The following ATE1 variants were observed in gnomAD, a reference collection of about 807,000 sequenced individuals.
ATE1 encodes the protein arginyl-tRNA--protein transferase 1.
In ATE1, 36 loss-of-function variants were observed where a neutral mutation model predicts 70.5. The observed-to-expected ratio is 0.51, with a 90% CI of 0.39 to 0.67. ATE1 has a LOEUF of 0.67. Among genes scored for constraint, ATE1 ranks in the 30% least tolerant of loss-of-function variants. The pLI is 0.00. For synonymous variants in ATE1, 232 were observed against 219.3 expected (o/e 1.06, Z -0.51); for missense variants, 593 against 629.5 (o/e 0.94, Z 0.62).
chr10:121,822,195 C>G (rs569350836), intron 10 of ATE1, among the ~76,000 whole-genome samples: 1 of 152,118 alleles, frequency 6.6e-6, no homozygotes, highest in African/African-American at 2.4e-5. Flanking sequence ...AAATAGTATA[C>G]CATACCCAGC....
At chr10:121,844,122 G>C (rs538845008) in intron 8 of ATE1, among the ~76,000 whole-genome samples, 2 of 152,174 alleles carry the variant, frequency 1.3e-5, no homozygotes, top group Non-Finnish European at 2.9e-5. Context: ...GCAAAATATT[G>C]GGTGTCATGG....
At chr10:121,793,556 C>T (rs1590317307) in intron 10 of ATE1, among the ~76,000 whole-genome samples, 1 of 152,256 alleles carries the variant, frequency 6.6e-6, no homozygotes. Flanking sequence ...TCCATCTTTG[C>T]TGTTCTAAAA....
chr10:121,856,867 G>T (rs1317912480), intron 8 of ATE1, among the ~76,000 whole-genome samples: 2 of 152,176 alleles, frequency 1.3e-5, no homozygotes, highest in Non-Finnish European at 2.9e-5. Context: ...TCATATAGGG[G>T]TTGGTTTCTA....
intron 8 of ATE1, among the ~76,000 whole-genome samples, chr10:121,858,858 T>C (rs146540637): frequency 0.033 from 4,994 of 151,902 alleles, 150 homozygotes; most frequent in African/African-American, 0.082. Context: ...CACTTTGGGA[T>C]GCCGAGGCGG....
At chr10:121,867,851 G>A (rs1949715111) in intron 8 of ATE1, among the ~76,000 whole-genome samples, 1 of 152,158 alleles carries the variant, frequency 6.6e-6, no homozygotes, top group Non-Finnish European at 1.5e-5. Flanking sequence ...GTTGTAGGGT[G>A]TTCTATCATA....
At chr10:121,922,297 T>A in intron 3 of ATE1, 52 bp downstream of exon 3, 2 of 1,280,794 alleles carry the variant, frequency 1.6e-6, no homozygotes, top group Non-Finnish European at 2.2e-6. Flanking sequence ...ACTAAAATAT[T>A]ATACACAATC....
intron 11 of ATE1, among the ~76,000 whole-genome samples, chr10:121,757,240 A>G (rs1283165007): frequency 1.3e-5 from 2 of 152,194 alleles, no homozygotes; most frequent in Non-Finnish European, 2.9e-5. Context: ...TCTCCATTTG[A>G]GACCACCTCA....
intron 11 of ATE1, among the ~76,000 whole-genome samples, chr10:121,786,174 G>A (rs1183595705): frequency 7.1e-6 from 1 of 141,322 alleles, no homozygotes; most frequent in African/African-American, 2.6e-5. Flanking sequence ...ATAGGATAGT[G>A]CTTGGGAAAC....
intron 8 of ATE1, among the ~76,000 whole-genome samples, chr10:121,850,742 TCCACTGTACA>T (rs1949020247): frequency 6.6e-6 from 1 of 152,146 alleles, no homozygotes; most frequent in Non-Finnish European, 1.5e-5. Context: ...GAGCCCTAAC[TCCACTGTACA>T]CTTTTCTGGC....
At chr10:121,905,392 T>A (rs1242126386) in intron 5 of ATE1, among the ~76,000 whole-genome samples, 1 of 152,214 alleles carries the variant, frequency 6.6e-6, no homozygotes, top group East Asian at 1.9e-4. Context: ...TAAGCAAATT[T>A]AAAACTAACA....
At chr10:121,817,442 G>A (rs1339887485) in intron 10 of ATE1, among the ~76,000 whole-genome samples, 1 of 152,062 alleles carries the variant, frequency 6.6e-6, no homozygotes, top group Non-Finnish European at 1.5e-5. Context: ...GGGAGGCTGA[G>A]GCAGGAGAAC....
At chr10:121,898,967 C>T in intron 7 of ATE1, 1 of 1,612,354 alleles carries the variant, frequency 6.2e-7, no homozygotes, top group Non-Finnish European at 8.5e-7. Flanking sequence ...GTACTAACCT[C>T]ACCTTCAGAG....
At chr10:121,749,068 T>C (rs928368150) in intron 11 of ATE1, among the ~76,000 whole-genome samples, 5 of 152,198 alleles carry the variant, frequency 3.3e-5, no homozygotes, top group Non-Finnish European at 7.4e-5. Flanking sequence ...ATGAACACAC[T>C]TTGACTATAA....
At chr10:121,806,492 T>C (rs1947102811) in intron 10 of ATE1, among the ~76,000 whole-genome samples, 1 of 151,954 alleles carries the variant, frequency 6.6e-6, no homozygotes. Flanking sequence ...AAATACATAA[T>C]CCTTGATTAA....
At chr10:121,757,328 T>C (rs1209675002) in intron 11 of ATE1, among the ~76,000 whole-genome samples, 2 of 152,174 alleles carry the variant, frequency 1.3e-5, no homozygotes, top group Non-Finnish European at 2.9e-5. Context: ...GTTCCAAACT[T>C]TCCCACATTT....
intron 8 of ATE1, among the ~76,000 whole-genome samples, chr10:121,853,699 T>C (rs1209137999): frequency 6.6e-6 from 1 of 152,190 alleles, no homozygotes; most frequent in East Asian, 1.9e-4. Context: ...AAAGATTATC[T>C]GAAAAGAGTA....
intron 8 of ATE1, among the ~76,000 whole-genome samples, chr10:121,869,334 A>C (rs1949771383): frequency 6.6e-6 from 1 of 152,124 alleles, no homozygotes; most frequent in Admixed American, 6.5e-5. Flanking sequence ...CCCTTTCTCT[A>C]CTTCCTTTTC....
intron 10 of ATE1, among the ~76,000 whole-genome samples, chr10:121,811,752 C>A (rs1181771733): frequency 1.3e-5 from 2 of 151,990 alleles, no homozygotes; most frequent in Admixed American, 1.3e-4. Context: ...TAAATTAAGA[C>A]AATAAAACTA....
At position 121,746,074 on chromosome 10, in the gene ATE1, G is replaced by A. The variant is rs375213587; in HGVS notation, c.1379-2216C>T. On this transcript the variant is annotated intron_variant, in intron 11 of 11. Transcript: ENST00000224652. Reference sequence around the variant, plus strand: ...CCCTTCCCTTTGCGCAGAATTACCCGCTTCCCCAGAGTACCTGACAGCTCA... The same window carrying A: ...CCCTTCCCTTTGCGCAGAATTACCCACTTCCCCAGAGTACCTGACAGCTCA... Among the ~76,000 whole-genome samples the A allele has an allele frequency of 8.2e-4, 124 of 152,134 alleles. 2 individuals carry two copies. In the Middle Eastern group the frequency reaches 0.024, roughly 29 times the overall value.
Sources: allele counts gnomAD v4.1 joint callset (sites outside exome capture counted in the v4.1 genomes callset), GRCh38; gene constraint gnomAD v4.1.1; transcripts MANE v1.5; gene names NCBI Gene and HGNC (gene_info 2026-07-23, HGNC 2026-07-21).